Variants in TCF7L1 observed in about 807,000 individuals in gnomAD.
The protein encoded by TCF7L1 is transcription factor 7-like 1.
TCF7L1 carries 18 observed loss-of-function variants against 63.7 expected under a neutral mutation model. The ratio of observed to expected loss-of-function variants is 0.28; its 90% CI spans 0.20 to 0.42. TCF7L1 has a LOEUF of 0.42. Ranked by LOEUF, TCF7L1 falls within the 10% of genes least tolerant of loss-of-function variation. The pLI, the probability that TCF7L1 is intolerant of heterozygous loss-of-function variation, is 1.00. For missense variants in TCF7L1, 654 were observed against 779.3 expected, an observed-to-expected ratio of 0.84 and a Z score of 1.91; for synonymous variants, 355 against 340.9, an observed-to-expected ratio of 1.04 and a Z score of -0.46.
intron 3 of TCF7L1, among the ~76,000 whole-genome samples, chr2:85,235,618 C>A (rs894027235): frequency 6.6e-6 from 1 of 152,042 alleles, no homozygotes; most frequent in African/African-American, 2.4e-5. Context: ...GAAGAGGCAG[C>A]CAATGTGTTA....
intron 3 of TCF7L1, among the ~76,000 whole-genome samples, chr2:85,275,099 G>A (rs577918072): frequency 1.3e-5 from 2 of 152,362 alleles, no homozygotes; most frequent in South Asian, 2.1e-4. Flanking sequence ...ACCTCAACAC[G>A]GTCGGCACTC....
chr2:85,200,936 C>T (rs1204425592), intron 3 of TCF7L1, among the ~76,000 whole-genome samples: 2 of 152,156 alleles, frequency 1.3e-5, no homozygotes, highest in Non-Finnish European at 2.9e-5. Flanking sequence ...CACGGTGGCT[C>T]ACGTCTGTAA....
chr2:85,157,751 C>G (rs554085060), intron 3 of TCF7L1, among the ~76,000 whole-genome samples: 27 of 152,368 alleles, frequency 1.8e-4, no homozygotes, highest in African/African-American at 6.5e-4. Flanking sequence ...TAGGAGGCCT[C>G]TGGGTGAAGA....
At chr2:85,277,129 G>T (rs977735350) in intron 3 of TCF7L1, among the ~76,000 whole-genome samples, 3 of 151,910 alleles carry the variant, frequency 2.0e-5, no homozygotes, top group African/African-American at 7.3e-5. Context: ...GAGTTTGGGG[G>T]CTTTATCTCT....
intron 3 of TCF7L1, among the ~76,000 whole-genome samples, chr2:85,149,318 C>T (rs1488824159): frequency 2.2e-5 from 2 of 90,668 alleles, no homozygotes; most frequent in Admixed American, 1.0e-4. Flanking sequence ...TGTATATACA[C>T]ATATACACAT....
intron 3 of TCF7L1, among the ~76,000 whole-genome samples, chr2:85,282,794 T>TGTGTGTGTG (rs1681448243): frequency 1.2e-4 from 14 of 119,224 alleles, no homozygotes; most frequent in East Asian, 5.4e-4. Flanking sequence ...GAGAGAGAGA[T>TGTGTGTGTG]TGTGTGTGTG....
At chr2:85,214,131 C>T (rs550341085) in intron 3 of TCF7L1, among the ~76,000 whole-genome samples, 1 of 152,234 alleles carries the variant, frequency 6.6e-6, no homozygotes, top group Admixed American at 6.5e-5. Context: ...TCATCCTCCC[C>T]CTCCCGTGAA....
chr2:85,261,143 T>G (rs1437023720), intron 3 of TCF7L1, among the ~76,000 whole-genome samples: 1 of 151,050 alleles, frequency 6.6e-6, no homozygotes, highest in Admixed American at 6.6e-5. Flanking sequence ...TGTGTGTGTG[T>G]GTGTGTGTGT....
rs747662688 is a variant in TCF7L1, at chr2:85,304,347, C to T, written c.845+9C>T. The T allele has an allele frequency of 2.0e-5, 33 of 1,613,398 alleles. 1 individual carries two copies. Among genetic ancestry groups the T allele is most frequent in the Middle Eastern group, 1.6e-4 (1 of 6,080 alleles). ...AACGCCTCGATGTCCAGGTGAGTCC[C>T]GGGGCTGGGGCTGTCCGCATGTTTG... is the stretch of plus-strand genomic sequence containing the variant. On this transcript the variant is annotated intron_variant, in intron 7 of 11. Coordinates refer to ENST00000282111, the MANE Select transcript of TCF7L1 (RefSeq NM_031283.3).
intron 3 of TCF7L1, among the ~76,000 whole-genome samples, chr2:85,188,070 G>A (rs1305359686): frequency 4.6e-5 from 7 of 152,188 alleles, no homozygotes; most frequent in African/African-American, 7.2e-5. Flanking sequence ...TATAACATTC[G>A]TGAAATGACA....
At chr2:85,262,262 G>A (rs1680875494) in intron 3 of TCF7L1, 1 of 520,254 alleles carries the variant, frequency 1.9e-6, no homozygotes, top group Admixed American at 2.0e-5. Context: ...AGATGAGGTT[G>A]ATGGGCGCAT....
chr2:85,134,443 C>G lies in TCF7L1; in HGVS notation c.434C>G (p.Ala145Gly), dbSNP rs1439710698. Residue 145 changes from alanine to glycine, a missense_variant, in exon 3 of 12, where the codon GCG becomes GGG. Transcript: ENST00000282111. The surrounding 1 kb of genome is among the most constrained non-coding windows in gnomAD (Gnocchi z 5.0). ...AACGGACCCCTGTCTCCCGGAGGAG[C>G]GCGCACCGTGAGTGCCCGTCGGGCG... ...LSNGPLSPGG[A>G]RTYLQMKWPL... The G allele has an allele frequency of 2.6e-6, 4 of 1,554,878 alleles. No individual in the cohort carries two copies. Among genetic ancestry groups the G allele is most frequent in the Non-Finnish European group, 3.5e-6 (4 of 1,149,208 alleles).
In TCF7L1 at chr2:85,154,239, A is replaced by G. The variant is rs140503065; in HGVS notation, c.441+19789A>G. On this transcript the variant is annotated intron_variant, in intron 3 of 11. Coordinates refer to ENST00000282111, the MANE Select transcript of TCF7L1 (RefSeq NM_031283.3). Reference sequence around the variant, plus strand: ...AAAATACTTGAGAATTACATTAGCAACTCCAAGGTATTTTGGCTGCTCTGA... The same window carrying G: ...AAAATACTTGAGAATTACATTAGCAGCTCCAAGGTATTTTGGCTGCTCTGA... Among the ~76,000 whole-genome samples, 15 of 152,138 alleles carry G rather than the reference A, an allele frequency of 9.9e-5. No homozygotes were observed. The East Asian group carries it at 2.9e-3, about 29-fold the overall frequency.
chr2:85,169,939 A>G (rs971107284), intron 3 of TCF7L1, among the ~76,000 whole-genome samples: 1 of 152,270 alleles, frequency 6.6e-6, no homozygotes, highest in Non-Finnish European at 1.5e-5. Context: ...AGTTAAACTC[A>G]TTTTGAGATA....
intron 7 of TCF7L1, among the ~76,000 whole-genome samples, chr2:85,304,629 C>T (rs1682060819): frequency 1.3e-5 from 2 of 152,198 alleles, no homozygotes; most frequent in Admixed American, 6.5e-5. Flanking sequence ...TGCTCCCCGA[C>T]TTAGGATGGA....
At chr2:85,262,157 A>G (rs1991738) in intron 3 of TCF7L1, 245,053 of 546,074 alleles carry the variant, frequency 0.45, 58,064 homozygotes, top group Middle Eastern at 0.55. Context: ...CAAGGTTCGT[A>G]TACTCATTAA....
At position 85,306,544 on chromosome 2, in the gene TCF7L1, A is replaced by G. The variant is rs773683571; in HGVS notation, c.1242A>G (p.Ser414=). The change falls in exon 10 of 12, where the codon TCA becomes TCG. Residue 414 remains serine, a synonymous_variant. Transcript: ENST00000282111. The surrounding 1 kb of genome is among the most constrained non-coding windows in gnomAD (Gnocchi z 4.3). ...QLHSQLYPTW[S]ARDNYGKKKK... ...ACTCGCAGCTCTACCCAACCTGGTC[A>G]GCCCGGGACAACTATGTAAGTGCAC... 2.0e-5 allele frequency: 32 copies of G among 1,614,254 alleles called. No individual in the cohort carries two copies. The South Asian group carries it at 3.3e-4, about 17-fold the overall frequency.
intron 3 of TCF7L1, among the ~76,000 whole-genome samples, chr2:85,168,886 G>T (rs1678482385): frequency 6.6e-6 from 1 of 152,176 alleles, no homozygotes; most frequent in Non-Finnish European, 1.5e-5. Context: ...CTCCCAAAGT[G>T]CTGGGATTAC....
At position 85,134,719 on chromosome 2, in the gene TCF7L1, C is replaced by A. The variant is rs1399886082; in HGVS notation, c.441+269C>A. ...ATCTTCCTTGGCCTCCAGAATTCTT[C>A]GCCTGCACCGAAGGAAACTTGGATT... On this transcript the variant is annotated intron_variant, in intron 3 of 11. Coordinates refer to ENST00000282111, the MANE Select transcript of TCF7L1 (RefSeq NM_031283.3). This position sits in a 1 kb window ranked among gnomAD's most constrained non-coding sequence, Gnocchi z 5.0. 6.6e-6 allele frequency among the ~76,000 whole-genome samples: 1 copy of A among 152,208 alleles called. No individual in the cohort carries two copies. Among genetic ancestry groups the A allele is most frequent in the East Asian group, 1.9e-4 (1 of 5,184 alleles).
Sources: gnomAD v4.1 joint callset for allele counts (sites outside exome capture counted in the v4.1 genomes callset) on GRCh38, gnomAD v4.1.1 for gene constraint, Gnocchi (gnomAD v3.1) non-coding constraint, MANE v1.5 for transcripts, NCBI Gene and HGNC (gene_info 2026-07-23, HGNC 2026-07-21) for gene names.